Variants in HECTD2 observed in about 807,000 individuals in gnomAD.
HECTD2 encodes probable E3 ubiquitin-protein ligase HECTD2.
In HECTD2, 35 loss-of-function variants were observed where a neutral mutation model predicts 103.2. The ratio of observed to expected loss-of-function variants is 0.34; its 90% confidence interval spans 0.26 to 0.45. The LOEUF (loss-of-function observed/expected upper bound fraction) is 0.45, where lower values mean the gene tolerates loss of function less well. HECTD2 is among the 20% of genes least tolerant of loss of function. HECTD2 has a pLI of 1.00. For synonymous variants in HECTD2, 281 were observed against 329.9 expected, an observed-to-expected ratio of 0.85 and a Z score of 1.61; for missense variants, 596 against 937.4, an observed-to-expected ratio of 0.64 and a Z score of 4.76.
At chr10:91,449,172 A>G (rs1166685473) in intron 2 of HECTD2, among the ~76,000 whole-genome samples, 2 of 152,082 alleles carry the variant, frequency 1.3e-5, no homozygotes, top group African/African-American at 4.8e-5. Context: ...CAAAAAGCTC[A>G]TCTACCACGT....
chr10:91,418,305 A>G (rs1843213673), intron 1 of HECTD2, among the ~76,000 whole-genome samples: 2 of 152,180 alleles, frequency 1.3e-5, no homozygotes, highest in African/African-American at 4.8e-5. Context: ...ATCTTTTCCT[A>G]TATTATAAAA....
intron 20 of HECTD2, among the ~76,000 whole-genome samples, chr10:91,505,147 G>T (rs796174801): frequency 1.2e-3 from 186 of 151,712 alleles, no homozygotes; most frequent in South Asian, 3.4e-3. Context: ...AGGAACAACC[G>T]GTACCAGCCG....
intron 1 of HECTD2, among the ~76,000 whole-genome samples, chr10:91,423,778 A>T (rs1307429251): frequency 6.6e-6 from 1 of 152,190 alleles, no homozygotes; most frequent in Non-Finnish European, 1.5e-5. Flanking sequence ...AAGTAAATTT[A>T]AAGTGTAGCA....
intron 5 of HECTD2, among the ~76,000 whole-genome samples, chr10:91,469,135 G>T (rs1325662640): frequency 6.6e-6 from 1 of 152,150 alleles, no homozygotes; most frequent in Non-Finnish European, 1.5e-5. Context: ...ACAACTCATT[G>T]ACATCTCAGA....
intron 12 of HECTD2, 135 bp downstream of exon 12, chr10:91,491,442 G>T: frequency 2.0e-6 from 1 of 498,402 alleles, no homozygotes; most frequent in Non-Finnish European, 3.5e-6. Context: ...AGATCTTGTT[G>T]CATACCAAGC....
chr10:91,509,819 A>G (rs184187061), intron 20 of HECTD2, among the ~76,000 whole-genome samples: 29 of 152,270 alleles, frequency 1.9e-4, no homozygotes, highest in African/African-American at 6.3e-4. Context: ...GAAACTGCCT[A>G]TCAGGTACTT....
chr10:91,470,539 G>A (rs1030306378), intron 5 of HECTD2, among the ~76,000 whole-genome samples: 8 of 152,082 alleles, frequency 5.3e-5, no homozygotes, highest in African/African-American at 1.9e-4. Context: ...GAATCTCTGG[G>A]ACCCAGCACT....
At chr10:91,488,919 A>T (rs1170240992) in intron 11 of HECTD2, 1 of 152,134 alleles carries the variant, frequency 6.6e-6, no homozygotes, top group Admixed American at 6.5e-5. Context: ...TCTTGGGTAG[A>T]TATTGGCTCA....
chr10:91,420,247 T>A (rs934583411), intron 1 of HECTD2, among the ~76,000 whole-genome samples: 2 of 151,322 alleles, frequency 1.3e-5, no homozygotes, highest in Admixed American at 6.6e-5. Flanking sequence ...GACCAAGGAA[T>A]TTTTTTCTAT....
At chr10:91,510,600 T>C (rs1013641719) in intron 20 of HECTD2, among the ~76,000 whole-genome samples, 1 of 152,186 alleles carries the variant, frequency 6.6e-6, no homozygotes, top group African/African-American at 2.4e-5. Flanking sequence ...AGAAAACAAA[T>C]GTTTTAAATA....
rs774560079 is a variant in HECTD2 at position 91,485,316 on chromosome 10, G to A, written c.1094+13G>A. 6.4e-7 allele frequency: 1 copy of A among 1,574,266 alleles called. No individual in the cohort carries two copies. Among genetic ancestry groups the A allele is most frequent in the Non-Finnish European group, 8.6e-7 (1 of 1,164,532 alleles). ...GAAACTCTCACAGGTATGAACAAAAGTTCCTTTGATTATCCACCTAAATGA... is the reference window on the plus strand; with the variant it reads ...GAAACTCTCACAGGTATGAACAAAAATTCCTTTGATTATCCACCTAAATGA... On this transcript the variant is annotated intron_variant, in intron 10 of 20. Coordinates refer to ENST00000298068, the MANE Select transcript of HECTD2 (RefSeq NM_182765.6).
rs1385589029 is a variant in HECTD2 at position 91,514,349 on chromosome 10, ATC to A, written c.*1967_*1968del. The stretch of plus-strand genomic sequence containing the variant: ...CATAAATAACTAGAGAATTTTTGTT[ATC>A]TGTTGTTAAGTTGAAATGTATAATC... On this transcript the variant is annotated 3_prime_UTR_variant, in exon 21 of 21. Transcript: ENST00000298068. 6.6e-6 allele frequency: 1 copy of A among 152,618 alleles called. No individual in the cohort carries two copies. The highest frequency in any genetic ancestry group is 1.5e-5 in the Non-Finnish European group (1 of 68,016). The allele number at this position is 152,618 out of a possible 1,614,324, so 9.5% of individuals were successfully genotyped here.
chr10:91,462,728 T>G (rs549034985), intron 5 of HECTD2: 1 of 986,524 alleles, frequency 1.0e-6, no homozygotes, highest in Admixed American at 6.1e-5. Flanking sequence ...AAAGACAGAA[T>G]GTAAACAAAG....
At position 91,481,084 on chromosome 10, in the gene HECTD2, T is replaced by A; in HGVS notation, c.666-10T>A. The A allele has an allele frequency of 1.4e-6, 2 of 1,429,100 alleles. No homozygotes were observed. The highest frequency in any genetic ancestry group is 1.9e-6 in the Non-Finnish European group (2 of 1,030,262). The allele number at this position is 1,429,100 out of a possible 1,614,324, so 88.5% of individuals were successfully genotyped here. ...TCATCCATAATAAATTATTCTTGTT[T>A]CTTTTTCAGTCCACGAACAAAAGAT... On this transcript the variant is annotated splice_polypyrimidine_tract_variant and intron_variant, in intron 6 of 20. Transcript: ENST00000298068.
chr10:91,465,241 A>G (rs984755892), intron 5 of HECTD2, among the ~76,000 whole-genome samples: 2 of 152,176 alleles, frequency 1.3e-5, no homozygotes, highest in African/African-American at 4.8e-5. Context: ...GGGATGAGGG[A>G]GGCTAAAAAC....
intron 2 of HECTD2, among the ~76,000 whole-genome samples, chr10:91,434,987 T>C (rs1844053922): frequency 6.6e-6 from 1 of 152,010 alleles, no homozygotes; most frequent in African/African-American, 2.4e-5. Context: ...AGTTTAGTTG[T>C]GGAGGAAGGT....
chr10:91,473,397 T>C (rs1845797330), intron 5 of HECTD2, among the ~76,000 whole-genome samples: 1 of 152,148 alleles, frequency 6.6e-6, no homozygotes, highest in African/African-American at 2.4e-5. Flanking sequence ...TAAAGATATT[T>C]AAAATAAACA....
chr10:91,470,775 T>A (rs562911958), intron 5 of HECTD2, among the ~76,000 whole-genome samples: 1 of 151,778 alleles, frequency 6.6e-6, no homozygotes, highest in African/African-American at 2.4e-5. Context: ...GCTCTGAAAT[T>A]GAATCAGTAA....
chr10:91,437,619 C>CTTTTTTTTT (rs59785873), intron 2 of HECTD2, among the ~76,000 whole-genome samples: 1 of 87,378 alleles, frequency 1.1e-5, no homozygotes, highest in African/African-American at 3.3e-5. Flanking sequence ...GATGGTTGTT[C>CTTTTTTTTT]TTTTTTTTTT....
Sources: gnomAD v4.1 joint callset for allele counts (sites outside exome capture counted in the v4.1 genomes callset) on GRCh38, gnomAD v4.1.1 for gene constraint, MANE v1.5 for transcripts, NCBI Gene and HGNC (gene_info 2026-07-23, HGNC 2026-07-21) for gene names.